CTNNA2: variants seen among roughly 807,000 people sequenced by gnomAD.
CTNNA2 encodes catenin alpha 2, also known as catenin alpha-2.
In CTNNA2, 42 loss-of-function variants were observed where a neutral mutation model predicts 101.0. The ratio of observed to expected loss-of-function variants is 0.42; its 90% CI spans 0.32 to 0.54. CTNNA2 has a LOEUF of 0.54. CTNNA2 is among the 20% of genes least tolerant of loss of function. The pLI, the probability that CTNNA2 is intolerant of heterozygous loss-of-function variation, is 0.14. For synonymous variants in CTNNA2, 450 were observed against 456.4 expected (o/e 0.99, Z 0.18); for missense variants, 871 against 1,223.1 (o/e 0.71, Z 4.29).
intron 2 of CTNNA2, among the ~76,000 whole-genome samples, chr2:79,304,200 G>A (rs78157428): frequency 1.3e-4 from 20 of 152,238 alleles, no homozygotes; most frequent in African/African-American, 2.9e-4. Context: ...TGGAAACTGC[G>A]TCAAGGGTGA....
intron 7 of CTNNA2, among the ~76,000 whole-genome samples, chr2:80,232,348 T>TGTTG (rs1558926440): frequency 1.5e-4 from 2 of 13,168 alleles, no homozygotes; most frequent in African/African-American, 6.6e-4. Flanking sequence ...TTTGTTTGTT[T>TGTTG]TTTTTTTTTT....
At position 79,242,993 on chromosome 2, in the gene CTNNA2, T is replaced by TACAC. The variant is rs1161415099; in HGVS notation, c.-406+44950_-406+44953dup. Among the ~76,000 whole-genome samples, 604 of 116,660 alleles carry TACAC rather than the reference T, an allele frequency of 5.2e-3. 18 individuals carry two copies. Among genetic ancestry groups the TACAC allele is most frequent in the Admixed American group, 0.029 (315 of 11,004 alleles). 76.5% of individuals were successfully genotyped at this position (116,660 alleles called of 152,430 possible). On this transcript the variant is annotated intron_variant, in intron 2 of 21. Transcript: ENST00000466387. ...AAATATATATATATATATATATATA[T>TACAC]ACACACACACACACACACACACACA...
At chr2:79,504,378 C>G (rs1362370948) in intron 4 of CTNNA2, among the ~76,000 whole-genome samples, 2 of 152,128 alleles carry the variant, frequency 1.3e-5, no homozygotes, top group Non-Finnish European at 2.9e-5. Flanking sequence ...CAACCTCCGC[C>G]TCCCGGTTTC....
intron 12 of CTNNA2, among the ~76,000 whole-genome samples, chr2:80,566,025 A>G (rs1317184017): frequency 1.3e-5 from 2 of 152,206 alleles, no homozygotes; most frequent in Non-Finnish European, 2.9e-5. Flanking sequence ...ACAATTAAAC[A>G]GAAATTTTCA....
At chr2:80,462,631 C>CTTTTT (rs753815778) in intron 9 of CTNNA2, among the ~76,000 whole-genome samples, 1,038 of 94,712 alleles carry the variant, frequency 0.011, 44 homozygotes, top group South Asian at 0.026. Flanking sequence ...TTCTTTCTTT[C>CTTTTT]TTTTTTTTTT....
chr2:79,966,466 G>A (rs1690069216), intron 7 of CTNNA2, among the ~76,000 whole-genome samples: 2 of 152,182 alleles, frequency 1.3e-5, no homozygotes, highest in Admixed American at 1.3e-4. Context: ...AAATGCTTGG[G>A]CTCCATTGAT....
intron 4 of CTNNA2, among the ~76,000 whole-genome samples, chr2:79,428,886 G>A (rs545942908): frequency 7.9e-5 from 12 of 152,216 alleles, no homozygotes; most frequent in East Asian, 1.9e-4. Context: ...GAGTGTGAGC[G>A]AATGAGAGAT....
chr2:79,390,551 G>A (rs1678160350), intron 4 of CTNNA2, among the ~76,000 whole-genome samples: 2 of 152,118 alleles, frequency 1.3e-5, no homozygotes, highest in South Asian at 4.1e-4. Context: ...TTTTCTTACA[G>A]CACTTGTCAC....
rs376832266 is a variant in CTNNA2, at chr2:80,329,628, A to G, written c.1057-63583A>G. Reference sequence around the variant, plus strand: ...AGGAGAATACCTACCTTAACAAGTCAGGACAGGGTGTGCCTCCAGATACAT... The same window carrying G: ...AGGAGAATACCTACCTTAACAAGTCGGGACAGGGTGTGCCTCCAGATACAT... On this transcript the variant is annotated intron_variant, in intron 7 of 18. Coordinates refer to ENST00000402739, the MANE Select transcript of CTNNA2 (RefSeq NM_001282597.3). Among the ~76,000 whole-genome samples the G allele has an allele frequency of 2.4e-4, 36 of 152,304 alleles. No individual in the cohort carries two copies. The East Asian group carries it at 5.0e-3, about 21-fold the overall frequency.
At chr2:79,582,754 C>G (rs960422944) in intron 1 of CTNNA2, among the ~76,000 whole-genome samples, 5 of 152,030 alleles carry the variant, frequency 3.3e-5, no homozygotes, top group African/African-American at 7.2e-5. Context: ...CAGGTTTGTT[C>G]AGGTATAATT....
chr2:80,015,269 C>T (rs1694061330), intron 7 of CTNNA2, among the ~76,000 whole-genome samples: 1 of 152,080 alleles, frequency 6.6e-6, no homozygotes, highest in South Asian at 2.1e-4. Flanking sequence ...TTTTGGCCTG[C>T]TTGTGTACCT....
At chr2:80,618,400 C>T (rs1481124920) in intron 17 of CTNNA2, among the ~76,000 whole-genome samples, 3 of 151,740 alleles carry the variant, frequency 2.0e-5, no homozygotes, top group East Asian at 3.9e-4. Context: ...AAGATTGTAA[C>T]ATTTTATATT....
intron 2 of CTNNA2, among the ~76,000 whole-genome samples, chr2:79,228,616 G>A (rs754111059): frequency 1.1e-4 from 17 of 151,696 alleles, no homozygotes; most frequent in African/African-American, 2.9e-4. Flanking sequence ...TTTTTGCTTC[G>A]TGATTTAAGT....
intron 7 of CTNNA2, among the ~76,000 whole-genome samples, chr2:80,392,741 A>C (rs1269152024): frequency 6.6e-6 from 1 of 152,198 alleles, no homozygotes; most frequent in African/African-American, 2.4e-5. Flanking sequence ...TTGATATAGA[A>C]GTTGCAATAT....
chr2:79,925,043 T>A (rs939251526), intron 7 of CTNNA2, among the ~76,000 whole-genome samples: 3 of 152,126 alleles, frequency 2.0e-5, no homozygotes. Flanking sequence ...AGCACAGTGT[T>A]AAAGGATAAT....
At chr2:79,828,802 C>T (rs993867591) in intron 3 of CTNNA2, among the ~76,000 whole-genome samples, 7 of 152,188 alleles carry the variant, frequency 4.6e-5, no homozygotes, top group African/African-American at 1.2e-4. Flanking sequence ...TGCAAATTCT[C>T]GGCCCCATTC....
Position 80,636,359 on chromosome 2 carries a change from G to C in CTNNA2, c.2575-11226G>C, listed in dbSNP as rs10427314. On this transcript the variant is annotated intron_variant, in intron 18 of 18. Transcript: ENST00000402739. ...TTATGCATTTATAACCCACTTTGTAGCAAAATACAGTTAAAGATTTAGGAA... is the reference window on the plus strand; with the variant it reads ...TTATGCATTTATAACCCACTTTGTACCAAAATACAGTTAAAGATTTAGGAA... Among the ~76,000 whole-genome samples, 230 of 152,254 alleles carry C rather than the reference G, an allele frequency of 1.5e-3. 3 individuals carry two copies. The highest frequency in any genetic ancestry group is 5.3e-3 in the African/African-American group (222 of 41,558).
intron 6 of CTNNA2, among the ~76,000 whole-genome samples, chr2:79,885,693 A>G (rs1448965791): frequency 3.9e-5 from 6 of 152,252 alleles, no homozygotes; most frequent in East Asian, 3.8e-4. Flanking sequence ...TAAGTTTCCT[A>G]TATCTTACAT....
intron 7 of CTNNA2, among the ~76,000 whole-genome samples, chr2:80,377,117 A>C (rs2149342723): frequency 6.6e-6 from 1 of 152,362 alleles, no homozygotes; most frequent in East Asian, 1.9e-4. Flanking sequence ...GTATGTCATG[A>C]ATGGATTTTA....
Sources: gnomAD v4.1 joint callset for allele counts (sites outside exome capture counted in the v4.1 genomes callset) on GRCh38, gnomAD v4.1.1 for gene constraint, MANE v1.5 for transcripts, NCBI Gene and HGNC (gene_info 2026-07-23, HGNC 2026-07-21) for gene names.